ZNF239: variants seen among roughly 807,000 people sequenced by gnomAD.
ZNF239 encodes the protein zinc finger protein 239, also known as zinc finger protein (C2H2) homologous to mouse MOK-2.
In ZNF239, 16 loss-of-function variants were observed where a neutral mutation model predicts 27.5. The ratio of observed to expected loss-of-function variants is 0.58; its 90% CI spans 0.39 to 0.88. The LOEUF is 0.88. ZNF239 is among the 40% of genes least tolerant of loss of function. The probability of loss-of-function intolerance (pLI) is 0.00; values close to 1 mark genes in which losing one functional copy is unlikely to be tolerated. For missense variants in ZNF239, 527 were observed against 551.9 expected, an observed-to-expected ratio of 0.95 and a Z score of 0.45; for synonymous variants, 199 against 192.6, an observed-to-expected ratio of 1.03 and a Z score of -0.27.
At chr10:43,573,744 A>G (rs1466737784) in intron 1 of ZNF239, 67 bp from the exon 2 acceptor site, 1 of 725,232 alleles carries the variant, frequency 1.4e-6, no homozygotes, top group East Asian at 1.3e-4. Context: ...CTGCGGGGAA[A>G]AAGTTACTCC....
intron 2 of ZNF239, chr10:43,570,242 T>C (rs1837945936): frequency 3.0e-6 from 3 of 985,208 alleles, no homozygotes; most frequent in African/African-American, 3.5e-5. Context: ...TCTCCCAAGC[T>C]TTCTGTTCAA....
Position 43,556,900 on chromosome 10 carries a change from G to C in ZNF239, c.1180C>G (p.Leu394Val). ...GGCTTCTCTCCAGTGTGGACTCTGAGATGGATGCGAAGATCCGAGCTCTGG... is the reference window on the plus strand; with the variant it reads ...GGCTTCTCTCCAGTGTGGACTCTGACATGGATGCGAAGATCCGAGCTCTGG... ...FSQSSDLRIH[L>V]RVHTGEKPYH... Residue 394 changes from leucine (L) to valine (V), a missense_variant, in exon 4 of 4, where the codon CTC becomes GTC. Coordinates refer to ENST00000374446, the MANE Select transcript of ZNF239 (RefSeq NM_001099282.2). The C allele has an allele frequency of 6.2e-7, 1 of 1,613,916 alleles. No homozygotes were observed.
At chr10:43,570,074 G>T in intron 2 of ZNF239, 2 of 599,208 alleles carry the variant, frequency 3.3e-6, no homozygotes, top group Non-Finnish European at 4.2e-6. Flanking sequence ...CATAAAGGCT[G>T]TCTCATAAAT....
intron 3 of ZNF239, among the ~76,000 whole-genome samples, chr10:43,566,214 C>T (rs1314793930): frequency 6.6e-6 from 1 of 151,974 alleles, no homozygotes; most frequent in Non-Finnish European, 1.5e-5. Context: ...GCCACAGTTA[C>T]TGAGGGAAGA....
At chr10:43,573,566 A>C (rs750865088) in intron 2 of ZNF239, 71 bp downstream of exon 2, 61 of 959,304 alleles carry the variant, frequency 6.4e-5, no homozygotes, top group Admixed American at 3.1e-4. Flanking sequence ...CCTGACAATA[A>C]AGAAAACAAC....
intron 3 of ZNF239, among the ~76,000 whole-genome samples, chr10:43,563,924 G>A (rs546707633): frequency 6.6e-6 from 1 of 152,244 alleles, no homozygotes; most frequent in East Asian, 1.9e-4. Flanking sequence ...CTCCCAAGAA[G>A]CTGGGATTAC....
At chr10:43,563,945 C>T (rs1837454756) in intron 3 of ZNF239, among the ~76,000 whole-genome samples, 1 of 152,132 alleles carries the variant, frequency 6.6e-6, no homozygotes, top group Non-Finnish European at 1.5e-5. Flanking sequence ...AGGCATGTAC[C>T]ACCATGCCTG....
chr10:43,567,941 C>T lies in ZNF239; in HGVS notation c.-135G>A. On this transcript the variant is annotated 5_prime_UTR_variant, in exon 3 of 4. In the 5' UTR this introduces an upstream ATG that the reference lacks. Transcript: ENST00000374446. ...AGTTGCCCAGCATCACAGCTCCGCA[C>T]AGCTTCCTGGGAGCAGAGTCCAGGT... 1 of 985,916 alleles carries T rather than the reference C, an allele frequency of 1.0e-6. No homozygotes were observed. The highest frequency in any genetic ancestry group is 1.1e-4 in the East Asian group (1 of 8,818). 61.1% of individuals were successfully genotyped at this position (985,916 alleles called of 1,614,324 possible).
Position 43,556,606 on chromosome 10 carries a change from T to A in ZNF239, c.*97A>T, listed in dbSNP as rs957460109. On this transcript the variant is annotated 3_prime_UTR_variant, in exon 4 of 4. Transcript: ENST00000374446. ...GGAACATATCTAAATAACCCTTACA[T>A]CTCTCTCCTTTGTAGAATATAAAGT... 1.5e-5 allele frequency: 21 copies of A among 1,448,084 alleles called. No individual in the cohort carries two copies. In the African/African-American group the frequency reaches 2.8e-4, roughly 20 times the overall value. 89.7% of individuals were successfully genotyped at this position (1,448,084 alleles called of 1,614,324 possible).
Position 43,573,639 on chromosome 10 carries a change from G to A in ZNF239, c.-218C>T, listed in dbSNP as rs1838174640. On this transcript the variant is annotated splice_region_variant and 5_prime_UTR_variant, in exon 2 of 4. Transcript: ENST00000374446. ...GGAGAAATGGAACGCCAACTCACCC[G>A]GACCCTGGTCATTTCTTACTCCCAG... 1 of 985,388 alleles carries A rather than the reference G, an allele frequency of 1.0e-6. No homozygotes were observed. Among genetic ancestry groups the A allele is most frequent in the Non-Finnish European group, 1.2e-6 (1 of 829,924 alleles). 61.0% of individuals were successfully genotyped at this position (985,388 alleles called of 1,614,324 possible).
intron 2 of ZNF239, among the ~76,000 whole-genome samples, chr10:43,572,942 C>A (rs1021679063): frequency 1.3e-5 from 2 of 152,138 alleles, no homozygotes; most frequent in Admixed American, 6.5e-5. Flanking sequence ...ACCCTAGAGA[C>A]ACTTATAGTG....
chr10:43,568,271 T>C, intron 2 of ZNF239: 2 of 985,486 alleles, frequency 2.0e-6, no homozygotes, highest in Non-Finnish European at 2.4e-6. Context: ...TACTGAATCT[T>C]TCTGTGTCAC....
Position 43,558,102 on chromosome 10 carries a change from G to A in ZNF239, c.-23C>T. On this transcript the variant is annotated 5_prime_UTR_variant, in exon 4 of 4. Coordinates refer to ENST00000374446, the MANE Select transcript of ZNF239 (RefSeq NM_001099282.2). The stretch of plus-strand genomic sequence containing the variant: ...CATGCCTTCCAAAACTAGCCAGGAG[G>A]AAAGCTCATGTAACAGATCCTGAAG... 6.3e-7 allele frequency: 1 copy of A among 1,598,590 alleles called. No homozygotes were observed.
chr10:43,568,319 C>T, intron 2 of ZNF239: 1 of 985,458 alleles, frequency 1.0e-6, no homozygotes, highest in Non-Finnish European at 1.2e-6. Context: ...CATCTTCACC[C>T]CATTCCCACC....
At chr10:43,563,327 A>AGAC (rs1837398654) in intron 3 of ZNF239, among the ~76,000 whole-genome samples, 1 of 152,150 alleles carries the variant, frequency 6.6e-6, no homozygotes, top group Non-Finnish European at 1.5e-5. Flanking sequence ...AAGAAGAAGA[A>AGAC]GAAAAAAAAA....
intron 2 of ZNF239, among the ~76,000 whole-genome samples, chr10:43,569,990 C>G (rs996821539): frequency 6.6e-6 from 1 of 152,178 alleles, no homozygotes; most frequent in African/African-American, 2.4e-5. Flanking sequence ...GTACTTATAT[C>G]TGCACAGTGC....
chr10:43,558,352 TG>T (rs1836960756), intron 3 of ZNF239, among the ~76,000 whole-genome samples, 181 bp from the exon 4 acceptor site: 1 of 152,236 alleles, frequency 6.6e-6, no homozygotes, highest in South Asian at 2.1e-4. Context: ...AATTTTCTCT[TG>T]GCTTTTAAGC....
At chr10:43,564,285 G>A (rs1323037492) in intron 3 of ZNF239, 5 of 983,780 alleles carry the variant, frequency 5.1e-6, no homozygotes, top group Non-Finnish European at 6.0e-6. Flanking sequence ...CTTACTGACC[G>A]TATAGTAACA....
At chr10:43,562,274 A>G (rs1404805320) in intron 3 of ZNF239, among the ~76,000 whole-genome samples, 2 of 152,254 alleles carry the variant, frequency 1.3e-5, no homozygotes, top group Non-Finnish European at 2.9e-5. Flanking sequence ...AAGTCTGAAG[A>G]CACACATTAC....
Sources: allele counts gnomAD v4.1 joint callset (sites outside exome capture counted in the v4.1 genomes callset), GRCh38; gene constraint gnomAD v4.1.1; transcripts MANE v1.5; gene names NCBI Gene and HGNC (gene_info 2026-07-23, HGNC 2026-07-21).